HDAC4: variants seen among roughly 807,000 people sequenced by gnomAD.
HDAC4 encodes the protein histone deacetylase 4.
Under a neutral mutation model 135.1 loss-of-function variants are expected in HDAC4, and 16 were observed. The ratio of observed to expected loss-of-function variants is 0.12; its 90% CI spans 0.08 to 0.18. The LOEUF (loss-of-function observed/expected upper bound fraction) is 0.18. HDAC4 is among the 10% of genes least tolerant of loss of function. The pLI, the probability that HDAC4 is intolerant of heterozygous loss-of-function variation, is 1.00. For synonymous variants in HDAC4, 685 were observed against 653.4 expected, an observed-to-expected ratio of 1.05 and a Z score of -0.74; for missense variants, 1,143 against 1,511.8, an observed-to-expected ratio of 0.76 and a Z score of 4.05.
chr2:239,359,194 T>C (rs1693703603), intron 1 of HDAC4, among the ~76,000 whole-genome samples: 1 of 152,214 alleles, frequency 6.6e-6, no homozygotes, highest in Admixed American at 6.5e-5. Flanking sequence ...AAGAGAACTG[T>C]GTGACAGCCC....
At chr2:239,179,372 C>T (rs1043368536) in intron 4 of HDAC4, among the ~76,000 whole-genome samples, 1 of 152,206 alleles carries the variant, frequency 6.6e-6, no homozygotes, top group East Asian at 1.9e-4. Flanking sequence ...GGCTAGGGAG[C>T]ATTCCCGCCA....
chr2:239,243,081 C>T (rs529646058), intron 2 of HDAC4, among the ~76,000 whole-genome samples: 156 of 135,406 alleles, frequency 1.2e-3, no homozygotes, highest in Non-Finnish European at 1.9e-3. Flanking sequence ...GACCTCAGTC[C>T]CACATTTCAC....
chr2:239,055,735 G>GTTGA (rs199742660), intron 24 of HDAC4, among the ~76,000 whole-genome samples: 4,744 of 150,112 alleles, frequency 0.032, 276 homozygotes, highest in African/African-American at 0.11. Flanking sequence ...AAAAAAAAAG[G>GTTGA]TTGAAATGGA....
At chr2:239,055,072 A>G in intron 24 of HDAC4, 1 of 443,780 alleles carries the variant, frequency 2.3e-6, no homozygotes, top group South Asian at 2.1e-5. Context: ...TACAAGTAGC[A>G]GGAAGAAAGA....
chr2:239,062,090 C>G (rs2032828979), intron 24 of HDAC4, among the ~76,000 whole-genome samples: 1 of 152,284 alleles, frequency 6.6e-6, no homozygotes, highest in East Asian at 1.9e-4. Flanking sequence ...CCCATCTACA[C>G]TGCAACATGC....
At chr2:239,273,215 A>G (rs10168525) in intron 2 of HDAC4, among the ~76,000 whole-genome samples, 7,669 of 152,190 alleles carry the variant, frequency 0.05, 694 homozygotes, top group African/African-American at 0.17. Context: ...GTTATGTCCA[A>G]AAGACTCAAG....
At position 239,053,021 on chromosome 2, in the gene HDAC4, G is replaced by T; in HGVS notation, c.*76C>A. The stretch of plus-strand genomic sequence containing the variant: ...GAGAGCCCCACGGTGGGACGCAGGC[G>T]TGACACGGGAAAGTTTCTTGGCTGA... On this transcript the variant is annotated 3_prime_UTR_variant, in exon 27 of 27. Transcript: ENST00000543185. The T allele has an allele frequency of 6.4e-7, 1 of 1,561,234 alleles. No individual in the cohort carries two copies. Among genetic ancestry groups the T allele is most frequent in the Non-Finnish European group, 8.8e-7 (1 of 1,131,806 alleles).
intron 6 of HDAC4, among the ~76,000 whole-genome samples, chr2:239,161,209 G>T (rs996027805): frequency 6.6e-6 from 1 of 152,142 alleles, no homozygotes; most frequent in Non-Finnish European, 1.5e-5. Flanking sequence ...TAAGATATAC[G>T]CATTGTGAAT....
chr2:239,192,237 CCACCCCA>C (rs1331681390), intron 3 of HDAC4, among the ~76,000 whole-genome samples: 4 of 118,882 alleles, frequency 3.4e-5, no homozygotes, highest in Non-Finnish European at 6.8e-5. Flanking sequence ...CACCCACCCC[CCACCCCA>C]CACATAGGTG....
chr2:239,379,881 C>T lies in HDAC4; in HGVS notation c.-220+21097G>A, dbSNP rs532730192. Among the ~76,000 whole-genome samples the T allele has an allele frequency of 1.9e-4, 29 of 152,322 alleles. No homozygotes were observed. The South Asian group carries it at 4.8e-3, about 25-fold the overall frequency. On this transcript the variant is annotated intron_variant, in intron 1 of 26. Coordinates refer to ENST00000543185, the MANE Select transcript of HDAC4 (RefSeq NM_001378414.1). ...CACCAAGCCAGGCTCAGCACCTGCA[C>T]GCAGACACTGACAGTGGGATAGGGA...
chr2:239,220,353 A>G (rs1163065116), intron 3 of HDAC4, among the ~76,000 whole-genome samples: 2 of 152,248 alleles, frequency 1.3e-5, no homozygotes, highest in African/African-American at 2.4e-5. Context: ...TAACTACAAA[A>G]GGAACCCAAA....
intron 5 of HDAC4, among the ~76,000 whole-genome samples, chr2:239,173,807 G>T: frequency 6.6e-6 from 1 of 152,182 alleles, no homozygotes; most frequent in East Asian, 1.9e-4. Flanking sequence ...GTTTAACAGG[G>T]TTGCTGGACA....
At chr2:239,120,725 T>C (rs9677989) in intron 12 of HDAC4, among the ~76,000 whole-genome samples, 19,676 of 151,324 alleles carry the variant, frequency 0.13, 4,051 homozygotes, top group African/African-American at 0.44. Flanking sequence ...TGCCTTTCTT[T>C]AGCAGCCCAG....
rs3791486 is a variant in HDAC4, at chr2:239,146,008, A to G, written c.734-1294T>C. On this transcript the variant is annotated intron_variant, in intron 7 of 26. Transcript: ENST00000543185. The surrounding 1 kb of genome is among the most constrained non-coding windows in gnomAD (Gnocchi z 4.5). ...AGAGAAACCAGAGAGGCGCTGTGAG[A>G]AGGTACCAGACTCTAAGCCTCTGCA... Among the ~76,000 whole-genome samples, 28,088 of 152,134 alleles carry G rather than the reference A, an allele frequency of 0.18. 2,625 individuals are homozygous for G. Among genetic ancestry groups the G allele is most frequent in the East Asian group, 0.24 (1,222 of 5,154 alleles).
At chr2:239,310,740 TG>T (rs910850916) in intron 2 of HDAC4, among the ~76,000 whole-genome samples, 14 of 152,194 alleles carry the variant, frequency 9.2e-5, no homozygotes, top group African/African-American at 2.9e-4. Flanking sequence ...GACCCAAAAC[TG>T]GGTCTGGGAG....
chr2:239,065,997 G>A (rs537747122), intron 24 of HDAC4, among the ~76,000 whole-genome samples: 40 of 152,356 alleles, frequency 2.6e-4, no homozygotes, highest in Admixed American at 1.2e-3. Context: ...ACTCTTGGAG[G>A]TGGATATGAC....
At chr2:239,298,482 A>G (rs2052046510) in intron 2 of HDAC4, 1 of 1,127,746 alleles carries the variant, frequency 8.9e-7, no homozygotes, top group Non-Finnish European at 1.1e-6. Context: ...TATTACAATC[A>G]CACTGTCACT....
intron 2 of HDAC4, among the ~76,000 whole-genome samples, chr2:239,242,454 A>G (rs2048242813): frequency 6.6e-6 from 1 of 152,186 alleles, no homozygotes; most frequent in African/African-American, 2.4e-5. Flanking sequence ...GATTTCCATT[A>G]TCAATTTCTG....
At chr2:239,346,903 A>T (rs1017604553) in intron 2 of HDAC4, among the ~76,000 whole-genome samples, 2 of 133,600 alleles carry the variant, frequency 1.5e-5, no homozygotes, top group Non-Finnish European at 3.4e-5. Context: ...CCTGTCTCTC[A>T]CACACACACC....
Sources: allele counts gnomAD v4.1 joint callset (sites outside exome capture counted in the v4.1 genomes callset), GRCh38; gene constraint gnomAD v4.1.1; non-coding constraint Gnocchi (gnomAD v3.1); transcripts MANE v1.5; gene names NCBI Gene and HGNC (gene_info 2026-07-23, HGNC 2026-07-21).